NSL1: variants seen among roughly 807,000 people sequenced by gnomAD.
NSL1 encodes NSL1 component of MIS12 kinetochore complex.
In NSL1, 11 loss-of-function variants were observed where a neutral mutation model predicts 25.4. The observed-to-expected ratio is 0.43, with a 90% CI of 0.27 to 0.72. The LOEUF (loss-of-function observed/expected upper bound fraction) is 0.72. Ranked by LOEUF, NSL1 falls within the 30% of genes least tolerant of loss-of-function variation. The pLI, the probability that NSL1 is intolerant of heterozygous loss-of-function variation, is 0.19. For missense variants in NSL1, 330 were observed against 342.7 expected (o/e 0.96, Z 0.29); for synonymous variants, 118 against 120.6 (o/e 0.98, Z 0.14).
intron 4 of NSL1, among the ~76,000 whole-genome samples, chr1:212,778,410 T>TCTCTCTCCC (rs1397826960): frequency 6.6e-6 from 1 of 151,580 alleles, no homozygotes; most frequent in African/African-American, 2.4e-5. Flanking sequence ...TCCTCTCTCC[T>TCTCTCTCCC]CTCTCTCCCC....
At chr1:212,739,191 G>T (rs1399364738) in intron 5 of NSL1, among the ~76,000 whole-genome samples, 1 of 152,176 alleles carries the variant, frequency 6.6e-6, no homozygotes, top group African/African-American at 2.4e-5. Flanking sequence ...AGGATTACAT[G>T]AGACAATACA....
chr1:212,733,141 C>T lies in NSL1; in HGVS notation c.*5267G>A, dbSNP rs1301346809. Among the ~76,000 whole-genome samples, 4 of 152,114 alleles carry T rather than the reference C, an allele frequency of 2.6e-5. No homozygotes were observed. Among genetic ancestry groups the T allele is most frequent in the Admixed American group, 1.3e-4 (2 of 15,258 alleles). ...TCAAATTTAGAGGGTTTTCATCACC[C>T]TCAAAAGACATCCCAGGCCAGGCGC... On this transcript the variant is annotated 3_prime_UTR_variant, in exon 6 of 6. Coordinates refer to ENST00000366977, the MANE Select transcript of NSL1 (RefSeq NM_015471.4).
rs10695741 is a variant in NSL1 at position 212,732,316 on chromosome 1, C to CT, written c.*6091dup. 0.21 allele frequency: 163,237 copies of CT among 790,382 alleles called. 4,668 individuals are homozygous for CT. Among genetic ancestry groups the CT allele is most frequent in the African/African-American group, 0.36 (18,210 of 50,638 alleles). The allele number at this position is 790,382 out of a possible 1,614,324, so 49.0% of individuals were successfully genotyped here. A position where few individuals can be genotyped will look rare whatever the true frequency, so the allele number is the denominator to read the frequency against. Reference sequence around the variant, plus strand: ...ATCTCTTTTGGAGTCCTACATAGTCCTTTTTTTTTTTTTGAGATGAAGTTT... The same window carrying CT: ...ATCTCTTTTGGAGTCCTACATAGTCCTTTTTTTTTTTTTTGAGATGAAGTTT... On this transcript the variant is annotated 3_prime_UTR_variant, in exon 6 of 6. Transcript: ENST00000366977.
chr1:212,782,397 C>A lies in NSL1; in HGVS notation c.474G>T (p.Leu158=), dbSNP rs1403296051. Residue 158 remains leucine (L), a synonymous_variant, in exon 4 of 6, where the codon CTG becomes CTT. Transcript: ENST00000366977. ...LKQYHPVVHP[L]DLKYDPDPAP... is the part of the protein sequence containing the mutation. ...CTGGATCAGGGTCATATTTTAGGTC[C>A]AGTGGATGTACAACAGGGTGGTACT... The A allele has an allele frequency of 1.9e-6, 3 of 1,611,456 alleles. No individual in the cohort carries two copies. In the African/African-American group the frequency reaches 4.0e-5, roughly 22 times the overall value.
In NSL1 at chr1:212,760,954, G is replaced by A. The variant is rs980182757; in HGVS notation, c.500-21353C>T. On this transcript the variant is annotated intron_variant, in intron 4 of 5. Transcript: ENST00000366977. This position sits in a 1 kb window ranked among gnomAD's most constrained non-coding sequence, Gnocchi z 4.3. ...CATACCCTCTAGTACCAACCATAGCGTAAGTCACTAAGGAACTCACAAACA... is the reference window on the plus strand; with the variant it reads ...CATACCCTCTAGTACCAACCATAGCATAAGTCACTAAGGAACTCACAAACA... Among the ~76,000 whole-genome samples the A allele has an allele frequency of 3.9e-5, 6 of 152,196 alleles. No individual in the cohort carries two copies. Among genetic ancestry groups the A allele is most frequent in the African/African-American group, 1.2e-4 (5 of 41,428 alleles).
At chr1:212,749,827 G>A (rs1168814201) in intron 4 of NSL1, among the ~76,000 whole-genome samples, 1 of 151,544 alleles carries the variant, frequency 6.6e-6, no homozygotes, top group Non-Finnish European at 1.5e-5. Flanking sequence ...GGGTTTGTGT[G>A]TAAAATGGAA....
chr1:212,754,600 A>C (rs779522341), intron 4 of NSL1, among the ~76,000 whole-genome samples: 2 of 151,878 alleles, frequency 1.3e-5, no homozygotes, highest in Non-Finnish European at 2.9e-5. Context: ...AACATGGTGA[A>C]ACCCCGCCTC....
In NSL1 at chr1:212,755,027, G is replaced by T. The variant is rs1249772117; in HGVS notation, c.500-15426C>A. On this transcript the variant is annotated intron_variant, in intron 4 of 5. Coordinates refer to ENST00000366977, the MANE Select transcript of NSL1 (RefSeq NM_015471.4). ...GACAGAGGGAGTGAAAGCAGTGGTA[G>T]ACAGATATGCACATGAAAAATTCTA... is the stretch of plus-strand genomic sequence containing the variant. 2.0e-5 allele frequency among the ~76,000 whole-genome samples: 3 copies of T among 152,094 alleles called. No individual in the cohort carries two copies. In the East Asian group the frequency reaches 5.8e-4, roughly 29 times the overall value.
rs963411858 is a variant in NSL1 at position 212,771,145 on chromosome 1, C to T, written c.499+11227G>A. On this transcript the variant is annotated intron_variant, in intron 4 of 5. Transcript: ENST00000366977. ...CCTGACCAACATGGAGAAACCCCATCTCTACTAAAAATACAAAAATTAGCC... is the reference window on the plus strand; with the variant it reads ...CCTGACCAACATGGAGAAACCCCATTTCTACTAAAAATACAAAAATTAGCC... Among the ~76,000 whole-genome samples, 141 of 152,094 alleles carry T rather than the reference C, an allele frequency of 9.3e-4. 1 individual carries two copies. The highest frequency in any genetic ancestry group is 3.2e-3 in the African/African-American group (133 of 41,408).
intron 4 of NSL1, chr1:212,782,112 G>A (rs11120026): frequency 0.35 from 242,323 of 685,028 alleles, 46,497 homozygotes; most frequent in Non-Finnish European, 0.39. Flanking sequence ...TTAGAGATGG[G>A]TATGTGTTAT....
rs1274417249 is a variant in NSL1 at position 212,739,577 on chromosome 1, C to T, written c.524G>A (p.Cys175Tyr). 2 of 1,613,572 alleles carry T rather than the reference C, an allele frequency of 1.2e-6. No homozygotes were observed. Among genetic ancestry groups the T allele is most frequent in the Non-Finnish European group, 1.7e-6 (2 of 1,179,716 alleles). ...DPAPHMENLK[C>Y]RGETVAKEIS... ...CTCCTTTGCTACTGTTTCCCCTCTGCATTTCAAATTTTCCATATGAGGGGC... is the reference window on the plus strand; with the variant it reads ...CTCCTTTGCTACTGTTTCCCCTCTGTATTTCAAATTTTCCATATGAGGGGC... The change falls in exon 5 of 6, where the codon TGC becomes TAC. Residue 175 changes from cysteine to tyrosine, a missense_variant. Coordinates refer to ENST00000366977, the MANE Select transcript of NSL1 (RefSeq NM_015471.4).
chr1:212,769,970 A>T (rs1028380378), intron 4 of NSL1, among the ~76,000 whole-genome samples: 29 of 152,302 alleles, frequency 1.9e-4, no homozygotes, highest in African/African-American at 6.5e-4. Context: ...CACTTGTAAA[A>T]ACACATACAG....
rs944554236 is a variant in NSL1 at position 212,738,252 on chromosome 1, T to C, written c.*156A>G. On this transcript the variant is annotated 3_prime_UTR_variant, in exon 6 of 6. Coordinates refer to ENST00000366977, the MANE Select transcript of NSL1 (RefSeq NM_015471.4). ...AACAGTAAGGAAATACAATATTATA[T>C]CATATCCCCGCACAGAGATACTATA... 1 of 1,399,898 alleles carries C rather than the reference T, an allele frequency of 7.1e-7. No homozygotes were observed. The allele number at this position is 1,399,898 out of a possible 1,614,324, so 86.7% of individuals were successfully genotyped here.
chr1:212,757,438 A>G (rs1008309820), intron 4 of NSL1, among the ~76,000 whole-genome samples: 5 of 152,200 alleles, frequency 3.3e-5, no homozygotes, highest in Admixed American at 2.6e-4. Flanking sequence ...CTATAAAGGA[A>G]TATGTAAGAC....
intron 4 of NSL1, among the ~76,000 whole-genome samples, chr1:212,781,269 G>A (rs908810385): frequency 1.3e-5 from 2 of 152,112 alleles, no homozygotes; most frequent in African/African-American, 2.4e-5. Context: ...TTTTCCCTAC[G>A]ATAAAACGGT....
chr1:212,757,940 A>G (rs1385914173), intron 4 of NSL1, among the ~76,000 whole-genome samples: 3 of 152,190 alleles, frequency 2.0e-5, no homozygotes, highest in Non-Finnish European at 4.4e-5. Context: ...TCCAAGGTAA[A>G]GGCAGCAGGA....
At chr1:212,743,390 C>T (rs968531629) in intron 4 of NSL1, among the ~76,000 whole-genome samples, 4 of 151,758 alleles carry the variant, frequency 2.6e-5, no homozygotes, top group African/African-American at 9.7e-5. Context: ...GCCTCGATCT[C>T]TTGACCTTGT....
intron 4 of NSL1, among the ~76,000 whole-genome samples, chr1:212,744,099 G>T (rs1037680459): frequency 6.6e-6 from 1 of 152,204 alleles, no homozygotes; most frequent in South Asian, 2.1e-4. Flanking sequence ...GTCAGTTGGG[G>T]CAAACAAACT....
intron 1 of NSL1, among the ~76,000 whole-genome samples, chr1:212,791,196 A>C (rs1015626009): frequency 1.3e-5 from 2 of 152,180 alleles, no homozygotes; most frequent in Admixed American, 1.3e-4. Flanking sequence ...CATTCATTTG[A>C]TATTATTACA....
Sources: allele counts gnomAD v4.1 joint callset (sites outside exome capture counted in the v4.1 genomes callset), GRCh38; gene constraint gnomAD v4.1.1; non-coding constraint Gnocchi (gnomAD v3.1); transcripts MANE v1.5; gene names NCBI Gene and HGNC (gene_info 2026-07-23, HGNC 2026-07-21).